CDKN2B-AS1: variants seen among roughly 807,000 people sequenced by gnomAD.
CDKN2B-AS1 encodes CDKN2B antisense RNA 1 (non-protein coding).
chr9:22,046,444 G>A (rs1300628711), intron 1 of CDKN2B-AS1: 2 of 152,126 alleles, frequency 1.3e-5, no homozygotes, highest in South Asian at 2.1e-4. Flanking sequence ...TCGAGGAACA[G>A]CTAAGGTTGT....
chr9:22,115,145 GT>G (rs1450695343), intron 4 of CDKN2B-AS1, among the ~76,000 whole-genome samples: 3 of 152,168 alleles, frequency 2.0e-5, no homozygotes, highest in African/African-American at 7.2e-5. Flanking sequence ...ATGTACCAAT[GT>G]TTGGACTCCA....
At chr9:22,047,064 A>G (rs1367023801) in intron 2 of CDKN2B-AS1, among the ~76,000 whole-genome samples, 1 of 152,134 alleles carries the variant, frequency 6.6e-6, no homozygotes, top group Non-Finnish European at 1.5e-5. Context: ...TGGAGTAGTA[A>G]TAAAGATTAA....
intron 1 of CDKN2B-AS1, among the ~76,000 whole-genome samples, chr9:22,016,870 A>G (rs180780713): frequency 1.1e-3 from 162 of 152,360 alleles, no homozygotes; most frequent in African/African-American, 3.6e-3. Flanking sequence ...ATAAACCTAT[A>G]GATTTAAACA....
intron 4 of CDKN2B-AS1, among the ~76,000 whole-genome samples, chr9:22,127,026 T>C (rs938191388): frequency 1.9e-4 from 29 of 152,256 alleles, no homozygotes; most frequent in Admixed American, 9.2e-4. Context: ...GATACTTTTT[T>C]GTTGTTTGAC....
At chr9:22,014,998 C>T (rs969019926) in intron 1 of CDKN2B-AS1, among the ~76,000 whole-genome samples, 1 of 151,978 alleles carries the variant, frequency 6.6e-6, no homozygotes, top group Non-Finnish European at 1.5e-5. Context: ...TTTTCTTAAT[C>T]CAGTCTATCA....
chr9:22,052,107 C>A lies in CDKN2B-AS1; in HGVS notation n.302+2879C>A, dbSNP rs541570035. ...ACTTCCCTACAACCTTGTATTAAGA[C>A]CTTAATTGAAAAACTTATTGCCTCT... On this transcript the variant is annotated intron_variant and non_coding_transcript_variant, in intron 3 of 4. Transcript: ENST00000650946. Among the ~76,000 whole-genome samples the A allele has an allele frequency of 2.5e-4, 38 of 152,234 alleles. 1 individual carries two copies. The South Asian group carries it at 7.7e-3, about 31-fold the overall frequency.
chr9:22,060,723 T>C (rs1823781716), intron 4 of CDKN2B-AS1, among the ~76,000 whole-genome samples: 2 of 152,192 alleles, frequency 1.3e-5, no homozygotes, highest in Non-Finnish European at 2.9e-5. Flanking sequence ...GAGGTTTCAT[T>C]GGACTTACAG....
At chr9:22,023,682 G>A (rs975576389) in intron 1 of CDKN2B-AS1, among the ~76,000 whole-genome samples, 1 of 152,176 alleles carries the variant, frequency 6.6e-6, no homozygotes, top group Non-Finnish European at 1.5e-5. Flanking sequence ...GATGAAGGTT[G>A]CAGTGAGCTG....
intron 4 of CDKN2B-AS1, among the ~76,000 whole-genome samples, chr9:22,089,248 T>G (rs1166520026): frequency 6.6e-6 from 1 of 152,158 alleles, no homozygotes; most frequent in African/African-American, 2.4e-5. Flanking sequence ...AGAATAGTCT[T>G]TGGAGCAAAT....
chr9:22,062,864 C>T (rs549377700), intron 4 of CDKN2B-AS1, among the ~76,000 whole-genome samples: 42 of 151,414 alleles, frequency 2.8e-4, no homozygotes, highest in East Asian at 2.1e-3. Flanking sequence ...ATGAATTGGG[C>T]GAAGCAGAGG....
At chr9:22,009,578 C>T (rs1821398032) in intron 1 of CDKN2B-AS1, among the ~76,000 whole-genome samples, 1 of 152,260 alleles carries the variant, frequency 6.6e-6, no homozygotes, top group Non-Finnish European at 1.5e-5. Flanking sequence ...CTGCCCTCAG[C>T]TCCTAATCCC....
intron 1 of CDKN2B-AS1, among the ~76,000 whole-genome samples, chr9:22,037,205 A>C (rs189763773): frequency 5.9e-4 from 90 of 152,204 alleles, no homozygotes; most frequent in African/African-American, 2.0e-3. Flanking sequence ...TCTCATTTGG[A>C]TTCCTGTATC....
intron 4 of CDKN2B-AS1, among the ~76,000 whole-genome samples, chr9:22,066,771 A>G (rs1189884084): frequency 1.3e-5 from 2 of 152,004 alleles, no homozygotes; most frequent in Non-Finnish European, 2.9e-5. Flanking sequence ...CAGCGTTACT[A>G]AGGCAGAAAA....
chr9:22,035,123 T>C (rs950591454), intron 1 of CDKN2B-AS1, among the ~76,000 whole-genome samples: 1 of 152,124 alleles, frequency 6.6e-6, no homozygotes, highest in African/African-American at 2.4e-5. Flanking sequence ...ATGATTCTTA[T>C]CATTACTGTA....
In CDKN2B-AS1 at chr9:22,102,375, A is replaced by G. The variant is rs1325371034; in HGVS notation, n.439-24728A>G. Among the ~76,000 whole-genome samples, 3 of 152,232 alleles carry G rather than the reference A, an allele frequency of 2.0e-5. No individual in the cohort carries two copies. The East Asian group carries it at 5.8e-4, about 29-fold the overall frequency. On this transcript the variant is annotated intron_variant and non_coding_transcript_variant, in intron 4 of 4. Transcript: ENST00000650946. The stretch of plus-strand genomic sequence containing the variant: ...ATTGTGTAAGTTTTCTATGGTTGCC[A>G]TAACTATCACAAACTTGATGGCTTT...
chr9:22,100,038 TA>T (rs1825429947), intron 4 of CDKN2B-AS1, among the ~76,000 whole-genome samples: 1 of 152,162 alleles, frequency 6.6e-6, no homozygotes, highest in African/African-American at 2.4e-5. Flanking sequence ...AAGTAAGAGA[TA>T]TTTAGAAAGG....
chr9:22,092,697 T>C (rs1825134854), intron 4 of CDKN2B-AS1, among the ~76,000 whole-genome samples: 1 of 152,196 alleles, frequency 6.6e-6, no homozygotes, highest in Non-Finnish European at 1.5e-5. Context: ...ATTGTGTCTA[T>C]TTGATTCTTC....
At chr9:22,024,677 A>G (rs921666821) in intron 1 of CDKN2B-AS1, among the ~76,000 whole-genome samples, 2 of 152,214 alleles carry the variant, frequency 1.3e-5, no homozygotes, top group Non-Finnish European at 2.9e-5. Flanking sequence ...GTCAAGGGGC[A>G]TACTTCCCTC....
chr9:22,044,390 T>C (rs578140498), intron 1 of CDKN2B-AS1, among the ~76,000 whole-genome samples: 1 of 152,014 alleles, frequency 6.6e-6, no homozygotes, highest in Non-Finnish European at 1.5e-5. Context: ...TTCACAGTAG[T>C]TCAATCAAAG....
Sources: allele counts gnomAD v4.1 joint callset (sites outside exome capture counted in the v4.1 genomes callset), GRCh38; gene constraint gnomAD v4.1.1; transcripts MANE v1.5; gene names NCBI Gene and HGNC (gene_info 2026-07-23, HGNC 2026-07-21).